CP: variants seen among roughly 807,000 people sequenced by gnomAD.
The protein encoded by CP is ceruloplasmin.
Under a neutral mutation model 122.4 loss-of-function variants are expected in CP, and 64 were observed. That is an observed-to-expected ratio of 0.52 (90% CI 0.43 to 0.64). The LOEUF is 0.64. CP is among the 30% of genes least tolerant of loss of function. CP has a pLI of 0.00. For synonymous variants in CP, 440 were observed against 436.4 expected, an observed-to-expected ratio of 1.01 and a Z score of -0.10; for missense variants, 1,167 against 1,284.4, an observed-to-expected ratio of 0.91 and a Z score of 1.40.
intron 1 of CP, among the ~76,000 whole-genome samples, chr3:149,215,844 C>A (rs1224684535): frequency 6.6e-6 from 1 of 152,106 alleles, no homozygotes; most frequent in African/African-American, 2.4e-5. Flanking sequence ...GACATATCTC[C>A]CTTCAAGTAA....
At chr3:149,164,072 T>C (rs1724166470) in intron 5 of CP, 1 of 616,190 alleles carries the variant, frequency 1.6e-6, no homozygotes, top group Non-Finnish European at 2.9e-6. Flanking sequence ...ACAAAATCCA[T>C]AGTTAGGCAT....
chr3:149,211,757 G>A (rs1728114244), intron 2 of CP, among the ~76,000 whole-genome samples: 1 of 152,120 alleles, frequency 6.6e-6, no homozygotes, highest in South Asian at 2.1e-4. Flanking sequence ...TCAAAGATAA[G>A]GCAATCCACA....
At chr3:149,176,054 T>G (rs1576725147) in intron 18 of CP, 196 bp downstream of exon 18, 1 of 591,728 alleles carries the variant, frequency 1.7e-6, no homozygotes. Context: ...GTACTGGCTG[T>G]CAGGAAATGA....
downstream of CP, among the ~76,000 whole-genome samples, chr3:149,171,079 AC>A (rs1471452791): frequency 1.3e-5 from 2 of 152,208 alleles, no homozygotes; most frequent in African/African-American, 4.8e-5. Flanking sequence ...AGAGATCGAG[AC>A]CATCCTGGCC....
chr3:149,176,890 G>C (rs1248010443), intron 17 of CP, among the ~76,000 whole-genome samples: 3 of 152,184 alleles, frequency 2.0e-5, no homozygotes, highest in African/African-American at 7.2e-5. Flanking sequence ...GGAAACAGTA[G>C]TTGGGTGACA....
At position 149,177,996 on chromosome 3, in the gene CP, GT is replaced by G. The variant is rs775643282; in HGVS notation, c.2879-18del. On this transcript the variant is annotated intron_variant, in intron 16 of 18. Coordinates refer to ENST00000264613, the MANE Select transcript of CP (RefSeq NM_000096.4). Reference sequence around the variant, plus strand: ...CATTAATAGCTAGGGAAAGCATATGGTTTTATGTTACTTTTCAGGATATTTT... The same window carrying G: ...CATTAATAGCTAGGGAAAGCATATGGTTTATGTTACTTTTCAGGATATTTT... 4 of 1,609,814 alleles carry G rather than the reference GT, an allele frequency of 2.5e-6. No individual in the cohort carries two copies. The highest frequency in any genetic ancestry group is 3.4e-6 in the Non-Finnish European group (4 of 1,176,194).
In CP at chr3:149,183,454, A is replaced by G. The variant is rs747766688; in HGVS notation, c.2425+12T>C. ...TTAACCCACACCTGATAAACTGGAG[A>G]TATTAACATACCTAGAATTCCCAGA... On this transcript the variant is annotated intron_variant, in intron 13 of 18. Transcript: ENST00000264613. The G allele has an allele frequency of 6.2e-7, 1 of 1,610,630 alleles. No homozygotes were observed. Among genetic ancestry groups the G allele is most frequent in the Admixed American group, 1.7e-5 (1 of 60,022 alleles).
chr3:149,216,900 CTTT>C (rs201368226), intron 1 of CP, among the ~76,000 whole-genome samples: 3 of 129,594 alleles, frequency 2.3e-5, no homozygotes, highest in African/African-American at 2.8e-5. Context: ...CTATTGCTTG[CTTT>C]TTTTTTTTTT....
chr3:149,192,979 T>TAC (rs1311223041), intron 9 of CP, among the ~76,000 whole-genome samples: 2 of 53,650 alleles, frequency 3.7e-5, no homozygotes, highest in Admixed American at 2.9e-4. Flanking sequence ...TGTGATCCTG[T>TAC]ATACACACAC....
In CP at chr3:149,207,396, T is replaced by A; in HGVS notation, c.1003A>T (p.Met335Leu). The change falls in exon 5 of 19, where the codon ATG becomes TTG. Residue 335 changes from methionine (M) to leucine (L), a missense_variant. Around this residue, in one of 2 missense-constraint regions of CP, gnomAD observed 642 missense variants for 627.3 expected, o/e 1.02. Transcript: ENST00000264613. ...YMVAQNPGEW[M>L]LSCQNLNHLK... ...TGGTTTAGATTCTGACAGCTGAGCA[T>A]CCATTCTCCAGGGTTCTGGGCCACC... 3.1e-6 allele frequency: 5 copies of A among 1,613,944 alleles called. No individual in the cohort carries two copies. Among genetic ancestry groups the A allele is most frequent in the Non-Finnish European group, 4.2e-6 (5 of 1,179,808 alleles).
chr3:149,177,359 T>C lies in CP; in HGVS notation c.3018+481A>G, dbSNP rs573688143. Among the ~76,000 whole-genome samples the C allele has an allele frequency of 6.6e-5, 10 of 152,260 alleles. No individual in the cohort carries two copies. The South Asian group carries it at 2.1e-3, about 32-fold the overall frequency. ...TAAAAATGCAAATCCTAGGAAGAGC[T>C]CAATGTGTAACAAAGGCTAGTGTGT... On this transcript the variant is annotated intron_variant, in intron 17 of 18. Transcript: ENST00000264613.
chr3:149,186,155 TAC>T (rs1289430519), intron 11 of CP: 7 of 334,468 alleles, frequency 2.1e-5, no homozygotes, highest in Non-Finnish European at 3.4e-5. Context: ...ACATCTAGGC[TAC>T]AGAGACATGA....
At chr3:149,212,081 C>T (rs1379212894) in intron 2 of CP, among the ~76,000 whole-genome samples, 1 of 151,868 alleles carries the variant, frequency 6.6e-6, no homozygotes, top group Admixed American at 6.6e-5. Context: ...ATCAGGAGGT[C>T]AGGAGATCAA....
chr3:149,182,126 T>A lies in CP; in HGVS notation c.2433A>T (p.Gln811His). 6.2e-7 allele frequency: 1 copy of A among 1,614,132 alleles called. No individual in the cohort carries two copies. The highest frequency in any genetic ancestry group is 2.2e-5 in the East Asian group (1 of 44,876). Residue 811 changes from glutamine to histidine, a missense_variant, in exon 14 of 19, where the codon CAA (glutamine) becomes CAT (histidine). Transcript: ENST00000264613. ...CTTTGTCTCCAACATCTGCATGAAG[T>A]TGTGGACCTGGCAAAAGTGAAGAGG... ...EEEHLGILGP[Q>H]LHADVGDKVK... is the part of the protein sequence containing the mutation.
intron 6 of CP, 46 bp downstream of exon 6, chr3:149,206,122 C>A (rs771546098): frequency 5.7e-6 from 9 of 1,573,268 alleles, no homozygotes; most frequent in South Asian, 3.3e-5. Flanking sequence ...TTCCTTTGTG[C>A]GGGGGAGAGC....
In CP at chr3:149,167,188, G is replaced by A. The variant is rs528838257; in HGVS notation, c.587-1138C>T. On this transcript the variant is annotated intron_variant, in intron 4 of 5. Transcript: ENST00000479771. ...TGCATAGACATACTGTTAGAGAGAT[G>A]CCCGGAGGCAGTCATTCCATATGCT... The A allele has an allele frequency of 5.0e-6, 8 of 1,613,886 alleles. No homozygotes were observed. In the South Asian group the frequency reaches 8.8e-5, roughly 18 times the overall value.
chr3:149,177,322 T>A (rs1181183704), intron 17 of CP, among the ~76,000 whole-genome samples: 2 of 152,156 alleles, frequency 1.3e-5, no homozygotes, highest in African/African-American at 2.4e-5. Flanking sequence ...CAGAACTCCA[T>A]GAAAATTCAG....
chr3:149,221,523 G>A (rs1576795372), intron 1 of CP, 124 bp downstream of exon 1: 1 of 821,794 alleles, frequency 1.2e-6, no homozygotes, highest in Admixed American at 3.0e-5. Flanking sequence ...AGTGTCTTGG[G>A]TTTCAAGCCC....
intron 14 of CP, 32 bp downstream of exon 14, chr3:149,181,973 T>TGGGGGGGGGGGGGGGG: frequency 2.2e-6 from 3 of 1,375,570 alleles, no homozygotes; most frequent in East Asian, 2.4e-5. Flanking sequence ...CCTGTTAAAA[T>TGGGGGGGGGGGGGGGG]GCACCACCCC....
Sources: allele counts gnomAD v4.1 joint callset (sites outside exome capture counted in the v4.1 genomes callset), GRCh38; gene constraint gnomAD v4.1.1; regional missense constraint gnomAD v4.1.1; transcripts MANE v1.5; gene names NCBI Gene and HGNC (gene_info 2026-07-23, HGNC 2026-07-21).